The following CNTNAP4 variants were observed in gnomAD, a reference collection of about 807,000 sequenced individuals.
CNTNAP4 encodes the protein contactin-associated protein-like 4.
CNTNAP4 carries 98 observed loss-of-function variants against 148.4 expected under a neutral mutation model. The ratio of observed to expected loss-of-function variants is 0.66; its 90% CI spans 0.56 to 0.78. The LOEUF (loss-of-function observed/expected upper bound fraction) is 0.78, where lower values mean the gene tolerates loss of function less well. CNTNAP4 is among the 30% of genes least tolerant of loss of function. The pLI is 0.00. For missense variants in CNTNAP4, 1,935 were observed against 1,565.6 expected (o/e 1.24, Z -3.98); for synonymous variants, 730 against 565.1 (o/e 1.29, Z -4.14).
chr16:76,348,169 A>G (rs1412859692), intron 2 of CNTNAP4, among the ~76,000 whole-genome samples: 1 of 151,930 alleles, frequency 6.6e-6, no homozygotes, highest in Non-Finnish European at 1.5e-5. Flanking sequence ...TGAGAGAAAG[A>G]AAGGGGTCAA....
At chr16:76,315,563 AT>A (rs1355941282) in intron 1 of CNTNAP4, among the ~76,000 whole-genome samples, 10 of 152,134 alleles carry the variant, frequency 6.6e-5, no homozygotes, top group Non-Finnish European at 1.5e-4. Context: ...TTTTGCTGAT[AT>A]ATTTGAGGAT....
chr16:76,298,482 ATGTATGTG>A (rs1959556501), intron 1 of CNTNAP4, among the ~76,000 whole-genome samples: 3 of 125,700 alleles, frequency 2.4e-5, no homozygotes, highest in African/African-American at 4.1e-5. Flanking sequence ...ATGTGTGTAC[ATGTATGTG>A]TGTGTGTGTG....
At chr16:76,332,007 C>T (rs1032797910) in intron 2 of CNTNAP4, among the ~76,000 whole-genome samples, 3 of 152,160 alleles carry the variant, frequency 2.0e-5, no homozygotes, top group Admixed American at 1.3e-4. Context: ...TTTTATTTTT[C>T]TTTCAGCACT....
chr16:76,377,848 A>G (rs12918656), intron 3 of CNTNAP4, among the ~76,000 whole-genome samples: 64,192 of 152,140 alleles, frequency 0.42, 13,838 homozygotes, highest in Non-Finnish European at 0.46. Context: ...AAAAGTTAGC[A>G]CACTGCACCT....
chr16:76,536,210 C>T (rs570846977), intron 18 of CNTNAP4, among the ~76,000 whole-genome samples: 13 of 151,872 alleles, frequency 8.6e-5, no homozygotes, highest in Admixed American at 5.9e-4. Flanking sequence ...TTATTTGAGA[C>T]TGAGTCTTAC....
chr16:76,538,490 A>T (rs971861283), intron 19 of CNTNAP4, 150 bp downstream of exon 19: 1 of 560,530 alleles, frequency 1.8e-6, no homozygotes, highest in African/African-American at 2.0e-5. Flanking sequence ...GTACTATCCT[A>T]TAAGTATAAT....
intron 1 of CNTNAP4, among the ~76,000 whole-genome samples, chr16:76,289,800 G>T (rs1959039782): frequency 6.6e-6 from 1 of 151,916 alleles, no homozygotes; most frequent in Non-Finnish European, 1.5e-5. Flanking sequence ...TGAACTGCTG[G>T]ACTCAAGTGA....
chr16:76,379,484 C>T (rs1002776418), intron 3 of CNTNAP4, among the ~76,000 whole-genome samples: 5 of 152,070 alleles, frequency 3.3e-5, no homozygotes, highest in African/African-American at 9.7e-5. Context: ...CTTTTTCCTC[C>T]TTTAACTGAG....
At chr16:76,480,334 A>G (rs1448449125) in intron 12 of CNTNAP4, among the ~76,000 whole-genome samples, 3 of 152,162 alleles carry the variant, frequency 2.0e-5, no homozygotes, top group African/African-American at 7.2e-5. Flanking sequence ...CTTTTAGGAG[A>G]TCATATTTTC....
intron 1 of CNTNAP4, among the ~76,000 whole-genome samples, chr16:76,280,538 G>C (rs976476001): frequency 6.6e-6 from 1 of 152,090 alleles, no homozygotes. Flanking sequence ...GTACTTATCT[G>C]TCTAAAGATG....
At chr16:76,336,377 G>T in intron 2 of CNTNAP4, among the ~76,000 whole-genome samples, 1 of 152,124 alleles carries the variant, frequency 6.6e-6, no homozygotes, top group East Asian at 1.9e-4. Flanking sequence ...TTGTTAGCTT[G>T]AAATCTTCCA....
chr16:76,362,091 A>C (rs1423104022), intron 3 of CNTNAP4, among the ~76,000 whole-genome samples: 2 of 152,096 alleles, frequency 1.3e-5, no homozygotes, highest in Non-Finnish European at 2.9e-5. Flanking sequence ...TTATATATTT[A>C]GTTTATACAT....
chr16:76,330,807 T>C (rs1261868282), intron 2 of CNTNAP4, among the ~76,000 whole-genome samples: 2 of 152,170 alleles, frequency 1.3e-5, no homozygotes, highest in Non-Finnish European at 2.9e-5. Flanking sequence ...TGAAAAACAG[T>C]AAGAAATAGA....
intron 1 of CNTNAP4, among the ~76,000 whole-genome samples, chr16:76,286,538 T>A (rs568321786): frequency 6.6e-6 from 1 of 152,268 alleles, no homozygotes; most frequent in South Asian, 2.1e-4. Flanking sequence ...TTAACTCAAC[T>A]TCTTCTCCCA....
At chr16:76,442,884 C>T (rs1231726498) in intron 4 of CNTNAP4, among the ~76,000 whole-genome samples, 6 of 152,108 alleles carry the variant, frequency 3.9e-5, no homozygotes, top group Non-Finnish European at 2.9e-5. Context: ...AATATACTTG[C>T]TCAAGTTTGA....
In CNTNAP4 at chr16:76,559,953, C is replaced by T. The variant is rs187000003; in HGVS notation, c.*1270C>T. On this transcript the variant is annotated 3_prime_UTR_variant, in exon 24 of 24. Transcript: ENST00000611870. Reference sequence around the variant, plus strand: ...CATTCCAGACACTTCTCGTCTGAAACGATGGGGTGAATTTCTCAAAAATTA... The same window carrying T: ...CATTCCAGACACTTCTCGTCTGAAATGATGGGGTGAATTTCTCAAAAATTA... Among the ~76,000 whole-genome samples the T allele has an allele frequency of 2.0e-5, 3 of 152,282 alleles. No individual in the cohort carries two copies. Among genetic ancestry groups the T allele is most frequent in the Admixed American group, 1.3e-4 (2 of 15,282 alleles).
intron 8 of CNTNAP4, among the ~76,000 whole-genome samples, chr16:76,453,457 G>C (rs1473744662): frequency 6.6e-6 from 1 of 152,142 alleles, no homozygotes; most frequent in Non-Finnish European, 1.5e-5. Context: ...GGATGTTTTT[G>C]TCTCTTCATT....
intron 17 of CNTNAP4, among the ~76,000 whole-genome samples, chr16:76,531,541 A>G (rs2083985082): frequency 6.6e-6 from 1 of 152,194 alleles, no homozygotes; most frequent in Non-Finnish European, 1.5e-5. Flanking sequence ...CTGATATAAC[A>G]TGGCAGGTAA....
At chr16:76,344,475 C>G (rs1349058077) in intron 2 of CNTNAP4, among the ~76,000 whole-genome samples, 1 of 152,142 alleles carries the variant, frequency 6.6e-6, no homozygotes, top group East Asian at 1.9e-4. Context: ...AGCACCCAAA[C>G]AAAATACTCA....
Sources: allele counts gnomAD v4.1 joint callset (sites outside exome capture counted in the v4.1 genomes callset), GRCh38; gene constraint gnomAD v4.1.1; transcripts MANE v1.5; gene names NCBI Gene and HGNC (gene_info 2026-07-23, HGNC 2026-07-21).